The following AMT variants were observed in gnomAD, a reference collection of about 807,000 sequenced individuals.
AMT encodes aminomethyltransferase.
Under a neutral mutation model 39.5 loss-of-function variants are expected in AMT, and 24 were observed. The ratio of observed to expected loss-of-function variants is 0.61; its 90% CI spans 0.44 to 0.86. The LOEUF is 0.86. AMT is among the 40% of genes least tolerant of loss of function. The pLI, the probability that AMT is intolerant of heterozygous loss-of-function variation, is 0.00. For synonymous variants in AMT, 210 were observed against 212.1 expected, an observed-to-expected ratio of 0.99 and a Z score of 0.09; for missense variants, 501 against 537.0, an observed-to-expected ratio of 0.93 and a Z score of 0.66.
chr3:49,419,610 C>A (rs143984123), intron 5 of AMT, 100 bp downstream of exon 5: 11 of 1,446,252 alleles, frequency 7.6e-6, no homozygotes, highest in Non-Finnish European at 1.1e-5. Flanking sequence ...ACACAAATAT[C>A]ACACCTTCCA....
chr3:49,420,068 C>T (rs899321068), intron 4 of AMT, 143 bp downstream of exon 4: 45 of 1,146,346 alleles, frequency 3.9e-5, no homozygotes, highest in Non-Finnish European at 5.5e-5. Flanking sequence ...CCAGAGAGGG[C>T]CTGCTCTTGA....
intron 7 of AMT, chr3:49,418,188 T>A: frequency 6.2e-6 from 1 of 160,408 alleles, no homozygotes; most frequent in Non-Finnish European, 1.2e-5. Flanking sequence ...CTTCAGTTTC[T>A]TTTTTTTTTT....
intron 6 of AMT, 44 bp from the exon 7 acceptor site, chr3:49,419,195 C>T: frequency 1.2e-6 from 2 of 1,613,828 alleles, no homozygotes; most frequent in Non-Finnish European, 1.7e-6. Flanking sequence ...CCCTGTACCA[C>T]ATACCCCCAA....
chr3:49,419,908 A>G, intron 4 of AMT, 120 bp from the exon 5 acceptor site: 2 of 1,014,360 alleles, frequency 2.0e-6, no homozygotes, highest in Non-Finnish European at 3.1e-6. Context: ...GGAGGAAAAA[A>G]AAAGGTAGTA....
At position 49,422,430 on chromosome 3, in the gene AMT, C is replaced by G. The variant is rs767448950; in HGVS notation, c.21G>C (p.Val7=). 2 of 1,613,602 alleles carry G rather than the reference C, an allele frequency of 1.2e-6. No homozygotes were observed. The highest frequency in any genetic ancestry group is 3.3e-5 in the Admixed American group (2 of 60,018). The part of the protein sequence containing the change: MQRAVS[V]VARLGFRLQA... Reference sequence around the variant, plus strand: ...GCAGGCGAAAGCCCAGACGGGCCACCACACTTACAGCCCTCTGCATCGTCG... The same window carrying G: ...GCAGGCGAAAGCCCAGACGGGCCACGACACTTACAGCCCTCTGCATCGTCG... Residue 7 remains valine, a synonymous_variant, in exon 1 of 9, where the codon GTG becomes GTC. Transcript: ENST00000273588.
intron 5 of AMT, 117 bp downstream of exon 5, chr3:49,419,592 AT>A: frequency 6.9e-7 from 1 of 1,444,604 alleles, no homozygotes; most frequent in Non-Finnish European, 9.7e-7. Context: ...AAAACTTAAA[AT>A]TATGGCACAC....
chr3:49,420,438 G>T (rs2049080754), intron 3 of AMT, 96 bp from the exon 4 acceptor site: 12 of 1,580,776 alleles, frequency 7.6e-6, no homozygotes, highest in East Asian at 2.2e-5. Flanking sequence ...TTACCAAAAG[G>T]TTATGAACCC....
chr3:49,418,200 T>C, intron 7 of AMT: 1 of 571,782 alleles, frequency 1.7e-6, no homozygotes, highest in Non-Finnish European at 3.1e-6. Context: ...TTTTTTTTTT[T>C]TGAGATGGAG....
In AMT at chr3:49,417,500, G is replaced by T; in HGVS notation, c.*40C>A. On this transcript the variant is annotated 3_prime_UTR_variant, in exon 9 of 9. Transcript: ENST00000273588. ...GCTTCTTGACTAACCCCTTGTAGGG[G>T]CAAAACTCCTGGAAGGGACAGCCCC... 2 of 1,614,140 alleles carry T rather than the reference G, an allele frequency of 1.2e-6. No individual in the cohort carries two copies. Among genetic ancestry groups the T allele is most frequent in the Non-Finnish European group, 1.7e-6 (2 of 1,180,034 alleles).
chr3:49,421,372 T>C, intron 3 of AMT, 120 bp downstream of exon 3: 3 of 788,142 alleles, frequency 3.8e-6, no homozygotes, highest in East Asian at 4.9e-5. Flanking sequence ...TGTCCAAGAC[T>C]GCAAGCCCTG....
chr3:49,419,865 C>T (rs2049069182), intron 4 of AMT, 77 bp from the exon 5 acceptor site: 2 of 1,365,092 alleles, frequency 1.5e-6, no homozygotes, highest in South Asian at 2.3e-5. Flanking sequence ...CAGAGCTGGA[C>T]AGTAGTAGGA....
At chr3:49,420,687 A>G (rs1365816228) in intron 3 of AMT, 6 of 360,132 alleles carry the variant, frequency 1.7e-5, no homozygotes, top group Non-Finnish European at 3.2e-5. Context: ...CCATGTGGCA[A>G]CCCACAGGAC....
chr3:49,418,815 G>C, intron 7 of AMT, 156 bp downstream of exon 7: 1 of 818,746 alleles, frequency 1.2e-6, no homozygotes, highest in Non-Finnish European at 2.0e-6. Flanking sequence ...AACATCTGCA[G>C]TTTCTAATGG....
Position 49,416,868 on chromosome 3 carries a change from C to A in AMT, c.*672G>T. 1 of 456,720 alleles carries A rather than the reference C, an allele frequency of 2.2e-6. No homozygotes were observed. Among genetic ancestry groups the A allele is most frequent in the Non-Finnish European group, 4.4e-6 (1 of 228,760 alleles). 28.3% of individuals were successfully genotyped at this position (456,720 alleles called of 1,614,324 possible). A position where few individuals can be genotyped will look rare whatever the true frequency, so the allele number is the denominator to read the frequency against. On this transcript the variant is annotated 3_prime_UTR_variant, in exon 9 of 9. Coordinates refer to ENST00000273588, the MANE Select transcript of AMT (RefSeq NM_000481.4). ...GGGCAAAGATCAGCCCAGGGTAAGG[C>A]AAGTCTGGGAGGAAGCCCACCCTGC...
chr3:49,420,514 A>C, intron 3 of AMT, 172 bp from the exon 4 acceptor site: 49 of 925,002 alleles, frequency 5.3e-5, no homozygotes, highest in Non-Finnish European at 7.3e-5. Flanking sequence ...TTTGATCCTC[A>C]TGCATCAAGT....
chr3:49,420,999 C>A, intron 3 of AMT: 1 of 251,126 alleles, frequency 4.0e-6, no homozygotes. Context: ...TGCAGTGGTG[C>A]AACCTCAGCT....
At chr3:49,419,976 C>A in intron 4 of AMT, 188 bp from the exon 5 acceptor site, 1 of 779,376 alleles carries the variant, frequency 1.3e-6, no homozygotes, top group South Asian at 1.6e-5. Context: ...TGACCCAAGC[C>A]CAGTTCTGCC....
intron 2 of AMT, 156 bp downstream of exon 2, chr3:49,421,948 G>C: frequency 9.8e-7 from 1 of 1,019,372 alleles, no homozygotes; most frequent in Non-Finnish European, 1.5e-6. Flanking sequence ...TCATTTCCTT[G>C]GGGCCATTGA....
At chr3:49,419,514 A>C in intron 5 of AMT, 109 bp from the exon 6 acceptor site, 1 of 1,542,874 alleles carries the variant, frequency 6.5e-7, no homozygotes, top group Non-Finnish European at 8.9e-7. Flanking sequence ...CTTACTCTGC[A>C]AGTGGGAGAA....
Sources: allele counts gnomAD v4.1 joint callset, GRCh38; gene constraint gnomAD v4.1.1; transcripts MANE v1.5; gene names NCBI Gene and HGNC (gene_info 2026-07-23, HGNC 2026-07-21).